Variants in NEK6 observed in about 807,000 individuals in gnomAD.
The protein encoded by NEK6 is serine/threonine-protein kinase Nek6.
NEK6 carries 27 observed loss-of-function variants against 43.5 expected under a neutral mutation model. The ratio of observed to expected loss-of-function variants is 0.62; its 90% CI spans 0.46 to 0.86. NEK6 has a LOEUF of 0.86. Among genes scored for constraint, NEK6 ranks in the 40% least tolerant of loss-of-function variants. NEK6 has a pLI of 0.00. For synonymous variants in NEK6, 167 were observed against 164.1 expected, an observed-to-expected ratio of 1.02 and a Z score of -0.14; for missense variants, 318 against 414.4, an observed-to-expected ratio of 0.77 and a Z score of 2.02.
intron 1 of NEK6, among the ~76,000 whole-genome samples, chr9:124,294,676 C>T (rs1014941755): frequency 4.0e-5 from 6 of 151,796 alleles, no homozygotes; most frequent in South Asian, 2.1e-4. Flanking sequence ...TATGGCTGCA[C>T]GCAAGGCCTG....
intron 4 of NEK6, among the ~76,000 whole-genome samples, chr9:124,317,785 G>GCA (rs1833888724): frequency 6.6e-6 from 1 of 152,176 alleles, no homozygotes; most frequent in Non-Finnish European, 1.5e-5. Context: ...GTATAGATAT[G>GCA]TTTCTGTGTT....
At chr9:124,315,732 C>CA (rs746578216) in intron 4 of NEK6, among the ~76,000 whole-genome samples, 127 of 152,322 alleles carry the variant, frequency 8.3e-4, no homozygotes, top group Admixed American at 3.7e-3. Flanking sequence ...CCCTGCCTTG[C>CA]AGGAGCCTGA....
chr9:124,330,021 A>T (rs1488313113), intron 7 of NEK6, among the ~76,000 whole-genome samples: 1 of 152,100 alleles, frequency 6.6e-6, no homozygotes, highest in East Asian at 1.9e-4. Context: ...AAGGCTGCTG[A>T]CCCAAGAGCT....
intron 1 of NEK6, among the ~76,000 whole-genome samples, chr9:124,272,224 G>GCAGGCTCTCAGTC (rs1031601007): frequency 4.6e-5 from 7 of 152,222 alleles, no homozygotes; most frequent in Non-Finnish European, 1.0e-4. Flanking sequence ...AGGCCACAGG[G>GCAGGCTCTCAGTC]CAGGCTCTCA....
At position 124,299,026 on chromosome 9, in the gene NEK6, C is replaced by T. The variant is rs543854881; in HGVS notation, c.-29-2910C>T. 3.1e-4 allele frequency among the ~76,000 whole-genome samples: 47 copies of T among 152,350 alleles called. 1 individual carries two copies. In the South Asian group the frequency reaches 9.1e-3, roughly 30 times the overall value. ...CTGTTGGAGAATGCGGTCAGCGCCACGTGGGGAGGGCAGGAATGACATTCC... is the reference window on the plus strand; with the variant it reads ...CTGTTGGAGAATGCGGTCAGCGCCATGTGGGGAGGGCAGGAATGACATTCC... On this transcript the variant is annotated intron_variant, in intron 1 of 9. Transcript: ENST00000320246.
chr9:124,261,284 T>C (rs1831020696), intron 1 of NEK6: 1 of 555,634 alleles, frequency 1.8e-6, no homozygotes, highest in Non-Finnish European at 2.3e-6. Flanking sequence ...CTGTTCACAT[T>C]TTTTCTTTTC....
chr9:124,320,312 T>C (rs1287470937), intron 4 of NEK6, among the ~76,000 whole-genome samples: 1 of 152,194 alleles, frequency 6.6e-6, no homozygotes, highest in East Asian at 1.9e-4. Flanking sequence ...CTGAGCCTGC[T>C]CTGGCCCCCA....
At chr9:124,269,798 T>C (rs919427361) in intron 1 of NEK6, among the ~76,000 whole-genome samples, 8 of 151,960 alleles carry the variant, frequency 5.3e-5, no homozygotes, top group Non-Finnish European at 5.9e-5. Context: ...GCCCTTCTCT[T>C]TGTTGTTGGT....
chr9:124,287,662 TA>T (rs1324281671), intron 1 of NEK6, among the ~76,000 whole-genome samples: 1 of 152,164 alleles, frequency 6.6e-6, no homozygotes, highest in African/African-American at 2.4e-5. Flanking sequence ...CCATCTTTAC[TA>T]AAAATAGAAA....
chr9:124,329,945 T>C (rs1321153258), intron 7 of NEK6, among the ~76,000 whole-genome samples: 1 of 152,258 alleles, frequency 6.6e-6, no homozygotes, highest in Non-Finnish European at 1.5e-5. Flanking sequence ...CCGCATCTCA[T>C]GTGCACCTAC....
At position 124,341,109 on chromosome 9, in the gene NEK6, C is replaced by G. The variant is rs1037347608; in HGVS notation, c.717+1444C>G. Among the ~76,000 whole-genome samples, 8 of 152,080 alleles carry G rather than the reference C, an allele frequency of 5.3e-5. No individual in the cohort carries two copies. The South Asian group carries it at 1.2e-3, about 24-fold the overall frequency. On this transcript the variant is annotated intron_variant, in intron 8 of 9. Transcript: ENST00000320246. ...CCGGGCTGGAGGGCAGTGGCGCAAT[C>G]TCGGCTCACTGCGGCCTCCACCTCC...
At chr9:124,316,719 C>T (rs1360364967) in intron 4 of NEK6, among the ~76,000 whole-genome samples, 1 of 152,220 alleles carries the variant, frequency 6.6e-6, no homozygotes, top group East Asian at 1.9e-4. Flanking sequence ...GCCCAATGGA[C>T]GTCTGGAGCC....
intron 2 of NEK6, among the ~76,000 whole-genome samples, chr9:124,311,232 G>A (rs924515407): frequency 1.3e-5 from 2 of 152,226 alleles, no homozygotes; most frequent in Non-Finnish European, 2.9e-5. Context: ...CCTCGGTACG[G>A]TGCCCGGCTC....
intron 1 of NEK6, among the ~76,000 whole-genome samples, chr9:124,291,355 G>A (rs974190720): frequency 1.3e-5 from 2 of 152,188 alleles, no homozygotes; most frequent in South Asian, 2.1e-4. Flanking sequence ...GGCCGGTCAC[G>A]GTGGCTCACG....
chr9:124,277,821 C>G (rs1588448406), intron 1 of NEK6, among the ~76,000 whole-genome samples: 1 of 152,352 alleles, frequency 6.6e-6, no homozygotes, highest in Non-Finnish European at 1.5e-5. Context: ...TTTGTATCCC[C>G]AATTTCCAGG....
intron 2 of NEK6, among the ~76,000 whole-genome samples, chr9:124,304,384 G>A (rs1450064329): frequency 2.0e-5 from 3 of 152,206 alleles, no homozygotes. Context: ...TTTGATGTGG[G>A]CCAGGCTGTT....
intron 1 of NEK6, among the ~76,000 whole-genome samples, chr9:124,273,699 A>G (rs887161607): frequency 5.9e-5 from 9 of 152,214 alleles, no homozygotes; most frequent in African/African-American, 1.9e-4. Context: ...TAGGCCATTT[A>G]TTTAAAGCGG....
intron 1 of NEK6, among the ~76,000 whole-genome samples, chr9:124,298,366 C>T (rs890618568): frequency 5.9e-5 from 9 of 152,120 alleles, no homozygotes; most frequent in Non-Finnish European, 8.8e-5. Flanking sequence ...CTAACGGTGC[C>T]GCAGGTTCCA....
At chr9:124,298,426 G>T (rs1832803630) in intron 1 of NEK6, among the ~76,000 whole-genome samples, 1 of 152,098 alleles carries the variant, frequency 6.6e-6, no homozygotes, top group Admixed American at 6.5e-5. Context: ...GGCAGCAAAG[G>T]CACCACTGGG....
Sources: allele counts gnomAD v4.1 joint callset (sites outside exome capture counted in the v4.1 genomes callset), GRCh38; gene constraint gnomAD v4.1.1; transcripts MANE v1.5; gene names NCBI Gene and HGNC (gene_info 2026-07-23, HGNC 2026-07-21).